FRMD7: variants seen among roughly 807,000 people sequenced by gnomAD.
FRMD7 encodes the protein FERM domain-containing protein 7.
In FRMD7, 14 loss-of-function variants were observed where a neutral mutation model predicts 44.1. That is an observed-to-expected ratio of 0.32 (90% CI 0.21 to 0.50). The LOEUF is 0.50. FRMD7 is among the 20% of genes least tolerant of loss of function. The pLI is 0.99. For synonymous variants in FRMD7, 212 were observed against 187.4 expected, an observed-to-expected ratio of 1.13 and a Z score of -1.07; for missense variants, 501 against 522.3, an observed-to-expected ratio of 0.96 and a Z score of 0.40.
chrX:132,084,572 A>G lies in FRMD7; in HGVS notation c.659T>C (p.Ile220Thr), dbSNP rs1472146786. ...GATTTTAGCCCAGTTAAAAGTATTG[A>G]TCTTTGTATTTCCCTACAATGAAAA... is the stretch of plus-strand genomic sequence containing the variant. Reference protein sequence around the residue: ...GVLVLRGNTKINTFNWAKIRK... With the variant: ...GVLVLRGNTKTNTFNWAKIRK... The change falls in exon 8 of 12, where the codon ATC (isoleucine) becomes ACC (threonine). Residue 220 changes from isoleucine to threonine, a missense_variant. This residue lies in a region of FRMD7 where 453 missense variants were observed against 452.7 expected (regional missense o/e 1.00). Transcript: ENST00000298542. 1 of 1,139,887 alleles carries G rather than the reference A, an allele frequency of 8.8e-7. No homozygotes were observed. The highest frequency in any genetic ancestry group is 2.2e-5 in the Admixed American group (1 of 45,953). The allele number at this position is 1,139,887 out of a possible 1,213,427, so 93.9% of individuals were successfully genotyped here.
intron 3 of FRMD7, 78 bp from the exon 4 acceptor site, chrX:132,097,422 CA>C: frequency 1.7e-6 from 1 of 598,309 alleles, no homozygotes; most frequent in Non-Finnish European, 2.9e-6. Context: ...CACACACACA[CA>C]CACACCCACA....
Position 132,078,760 on chromosome X carries a change from C to G in FRMD7, c.1257G>C (p.Met419Ile), listed in dbSNP as rs1265640527. 12 of 1,209,291 alleles carry G rather than the reference C, an allele frequency of 9.9e-6. No individual in the cohort carries two copies. The highest frequency in any genetic ancestry group is 1.3e-5 in the Non-Finnish European group (12 of 894,692). Residue 419 changes from methionine (M) to isoleucine (I), a missense_variant, in exon 12 of 12, where the codon ATG (methionine) becomes ATC (isoleucine). Met to Ile is a conservative substitution (Grantham distance 10, BLOSUM62 1). This residue lies in a region of FRMD7 where 453 missense variants were observed against 452.7 expected (regional missense o/e 1.00). Coordinates refer to ENST00000298542, the MANE Select transcript of FRMD7 (RefSeq NM_194277.3). ...TGGGCTCAGTGTTAAAGACAGGGTC[C>G]ATATAAATAAAAGGGAAAGAGGAAC... ...QSSSSFPFIY[M>I]DPVFNTEPNP...
intron 1 of FRMD7, among the ~76,000 whole-genome samples, chrX:132,104,190 G>A (rs1928583557): frequency 1.8e-5 from 2 of 112,239 alleles, no homozygotes; most frequent in African/African-American, 6.5e-5. Context: ...CACATGTATA[G>A]ATATATGCAT....
chrX:132,080,598 G>A (rs1030523936), intron 9 of FRMD7, among the ~76,000 whole-genome samples: 8 of 111,379 alleles, frequency 7.2e-5, no homozygotes, highest in African/African-American at 2.3e-4. Context: ...AGGATGACTC[G>A]AGCCCAGGAG....
intron 1 of FRMD7, among the ~76,000 whole-genome samples, chrX:132,126,483 C>T (rs1929159949): frequency 1.8e-5 from 2 of 111,715 alleles, no homozygotes; most frequent in African/African-American, 6.5e-5. Flanking sequence ...CCCTCCACCC[C>T]ATTTAAATGG....
chrX:132,123,610 T>A (rs939064025), intron 1 of FRMD7, among the ~76,000 whole-genome samples: 11 of 112,040 alleles, frequency 9.8e-5, no homozygotes, highest in African/African-American at 3.6e-4. Flanking sequence ...ACTAATAAAT[T>A]TAAAAATCAC....
At position 132,113,668 on chromosome X, in the gene FRMD7, C is replaced by T. The variant is rs772106784; in HGVS notation, c.58-12952G>A. ...TTAATTTACGTGGGTACATAGTAGT[C>T]GTATATATTTATGGGGTACAGGAGA... On this transcript the variant is annotated intron_variant, in intron 1 of 11. Coordinates refer to ENST00000298542, the MANE Select transcript of FRMD7 (RefSeq NM_194277.3). Among the ~76,000 whole-genome samples the T allele has an allele frequency of 3.3e-4, 36 of 110,735 alleles. No homozygotes were observed. The South Asian group carries it at 0.013, about 39-fold the overall frequency.
chrX:132,093,202 C>T (rs1270292864), intron 5 of FRMD7, among the ~76,000 whole-genome samples: 1 of 111,662 alleles, frequency 9.0e-6, no homozygotes, highest in African/African-American at 3.3e-5. Flanking sequence ...CTGGGGCTCC[C>T]GGTGAAATTA....
chrX:132,078,634 A>G lies in FRMD7; in HGVS notation c.1383T>C (p.Ser461=). The G allele has an allele frequency of 8.3e-7, 1 of 1,211,701 alleles. No homozygotes were observed. The highest frequency in any genetic ancestry group is 3.0e-5 in the East Asian group (1 of 33,851). The change falls in exon 12 of 12, where the codon TCT becomes TCC. Residue 461 remains serine (S), a synonymous_variant. Coordinates refer to ENST00000298542, the MANE Select transcript of FRMD7 (RefSeq NM_194277.3). ...KFSGNHMSIY[S]GLTSKVRPAK... ...CTGGACGCACTTTGCTTGTGAGGCC[A>G]GAATATATGCTCATGTGATTACCAG... is the stretch of plus-strand genomic sequence containing the variant.
intron 1 of FRMD7, among the ~76,000 whole-genome samples, chrX:132,119,039 T>A (rs1048251344): frequency 2.7e-5 from 3 of 111,918 alleles, no homozygotes; most frequent in African/African-American, 9.8e-5. Context: ...CTTTCCACTG[T>A]CATTTGTACA....
intron 1 of FRMD7, among the ~76,000 whole-genome samples, chrX:132,111,707 A>G (rs1928782929): frequency 8.9e-6 from 1 of 112,145 alleles, no homozygotes; most frequent in Non-Finnish European, 1.9e-5. Context: ...CACTCCAGTG[A>G]GAGGATTGGA....
At position 132,127,770 on chromosome X, in the gene FRMD7, A is replaced by T; in HGVS notation, c.57+18T>A. On this transcript the variant is annotated intron_variant, in intron 1 of 11. Coordinates refer to ENST00000298542, the MANE Select transcript of FRMD7 (RefSeq NM_194277.3). Reference sequence around the variant, plus strand: ...GAATGAATAATAAAGGAATAATAGCAATGTGATTTCCACTTACATCAACCA... The same window carrying T: ...GAATGAATAATAAAGGAATAATAGCTATGTGATTTCCACTTACATCAACCA... 1.7e-6 allele frequency: 2 copies of T among 1,147,534 alleles called. No homozygotes were observed. The highest frequency in any genetic ancestry group is 2.4e-6 in the Non-Finnish European group (2 of 836,449). 94.6% of individuals were successfully genotyped at this position (1,147,534 alleles called of 1,213,427 possible). A position where few individuals can be genotyped will look rare whatever the true frequency, so the allele number is the denominator to read the frequency against.
chrX:132,090,803 G>T (rs891983090), intron 5 of FRMD7, among the ~76,000 whole-genome samples: 20 of 111,159 alleles, frequency 1.8e-4, no homozygotes, highest in African/African-American at 6.6e-4. Context: ...CAAATCCCAC[G>T]TTGACCCTAA....
At chrX:132,120,976 AT>A (rs1929020005) in intron 1 of FRMD7, among the ~76,000 whole-genome samples, 1 of 111,859 alleles carries the variant, frequency 8.9e-6, no homozygotes, top group Non-Finnish European at 1.9e-5. Flanking sequence ...TTCCAGGATG[AT>A]CTTTCTGACC....
intron 1 of FRMD7, among the ~76,000 whole-genome samples, chrX:132,101,973 T>C (rs751557794): frequency 9.0e-6 from 1 of 111,126 alleles, no homozygotes; most frequent in Admixed American, 9.6e-5. Context: ...AAACCCCTAG[T>C]TAAAGGCGAG....
intron 1 of FRMD7, among the ~76,000 whole-genome samples, chrX:132,122,485 C>T (rs1217883556): frequency 8.9e-6 from 1 of 112,437 alleles, no homozygotes; most frequent in Non-Finnish European, 1.9e-5. Context: ...GCCATCATCC[C>T]ACCAGCCACT....
intron 2 of FRMD7, among the ~76,000 whole-genome samples, chrX:132,100,022 T>G (rs1469037207): frequency 8.9e-6 from 1 of 112,315 alleles, no homozygotes; most frequent in Non-Finnish European, 1.9e-5. Context: ...GTCTTAATTC[T>G]GCAGGTTGAG....
intron 5 of FRMD7, among the ~76,000 whole-genome samples, 175 bp from the exon 6 acceptor site, chrX:132,086,209 G>C (rs182296366): frequency 1.8e-5 from 2 of 110,593 alleles, no homozygotes; most frequent in East Asian, 2.8e-4. Flanking sequence ...TGTGTGTTTG[G>C]GGGGGGCAAT....
rs775083603 is a variant in FRMD7 at position 132,127,820 on chromosome X, A to G, written c.25T>C (p.Leu9=). The G allele has an allele frequency of 4.2e-5, 51 of 1,208,119 alleles. No individual in the cohort carries two copies. Among genetic ancestry groups the G allele is most frequent in the Non-Finnish European group, 5.6e-5 (50 of 893,438 alleles). Residue 9 remains leucine, a synonymous_variant, in exon 1 of 12, where the codon TTG becomes CTG. Coordinates refer to ENST00000298542, the MANE Select transcript of FRMD7 (RefSeq NM_194277.3). ...ACAAAAATCTTCTGGGAATCATCCAAAAACTGCACTTTTAAATGTAGCATT... is the reference window on the plus strand; with the variant it reads ...ACAAAAATCTTCTGGGAATCATCCAGAAACTGCACTTTTAAATGTAGCATT... MLHLKVQF[L]DDSQKIFVVD...
Sources: gnomAD v4.1 joint callset for allele counts (sites outside exome capture counted in the v4.1 genomes callset) on GRCh38, gnomAD v4.1.1 for gene constraint, gnomAD v4.1.1 regional missense constraint, MANE v1.5 for transcripts, NCBI Gene and HGNC (gene_info 2026-07-23, HGNC 2026-07-21) for gene names.